The following CACNB2 variants were observed in gnomAD, a reference collection of about 807,000 sequenced individuals.
CACNB2 encodes calcium voltage-gated channel auxiliary subunit beta 2, also known as voltage-dependent L-type calcium channel subunit beta-2.
CACNB2 carries 42 observed loss-of-function variants against 73.3 expected under a neutral mutation model. The observed-to-expected ratio is 0.57, with a 90% CI of 0.45 to 0.74. The LOEUF is 0.74. Among genes scored for constraint, CACNB2 ranks in the 30% least tolerant of loss-of-function variants. The pLI, the probability that CACNB2 is intolerant of heterozygous loss-of-function variation, is 0.00. For missense variants in CACNB2, 940 were observed against 853.0 expected (o/e 1.10, Z -1.27); for synonymous variants, 348 against 310.3 (o/e 1.12, Z -1.28).
intron 3 of CACNB2, among the ~76,000 whole-genome samples, chr10:18,426,895 C>G (rs1029045883): frequency 2.7e-5 from 4 of 145,942 alleles, no homozygotes; most frequent in Non-Finnish European, 4.5e-5. Context: ...TTCTAGTTTG[C>G]TGTTTTTTTC....
At chr10:18,198,239 TTTGAG>T (rs2131299124) in intron 2 of CACNB2, among the ~76,000 whole-genome samples, 1 of 150,296 alleles carries the variant, frequency 6.7e-6, no homozygotes, top group South Asian at 2.1e-4. Flanking sequence ...TGAATTAATA[TTTGAG>T]TTAATATATG....
In CACNB2 at chr10:18,140,445, C is replaced by A. The variant is rs1210087094; in HGVS notation, c.-292C>A. Among the ~76,000 whole-genome samples the A allele has an allele frequency of 6.6e-6, 1 of 151,982 alleles. No homozygotes were observed. Among genetic ancestry groups the A allele is most frequent in the Non-Finnish European group, 1.5e-5 (1 of 67,952 alleles). On this transcript the variant is annotated 5_prime_UTR_variant, in exon 1 of 14. Transcript: ENST00000324631. Reference sequence around the variant, plus strand: ...CCCCGCCGCGCTGCGCCCGCTCTCCCGGCCCCGGCTGCCCCGCTGAGGGCT... The same window carrying A: ...CCCCGCCGCGCTGCGCCCGCTCTCCAGGCCCCGGCTGCCCCGCTGAGGGCT...
At chr10:18,528,280 T>C (rs1333421944) in intron 10 of CACNB2, among the ~76,000 whole-genome samples, 3 of 152,290 alleles carry the variant, frequency 2.0e-5, no homozygotes, top group African/African-American at 7.2e-5. Flanking sequence ...GTAAAAACAG[T>C]GTAGGGAGTT....
intron 2 of CACNB2, among the ~76,000 whole-genome samples, chr10:18,277,410 T>A (rs2038345241): frequency 6.6e-6 from 1 of 152,242 alleles, no homozygotes; most frequent in African/African-American, 2.4e-5. Context: ...GTATATTCTT[T>A]AAGTAAGGCC....
intron 2 of CACNB2, among the ~76,000 whole-genome samples, chr10:18,181,180 A>G (rs75538584): frequency 0.023 from 3,558 of 152,070 alleles, 54 homozygotes; most frequent in Middle Eastern, 0.1. Context: ...GCCCTCTAGA[A>G]CTGTGCATCT....
intron 2 of CACNB2, among the ~76,000 whole-genome samples, chr10:18,205,224 CTT>C (rs1483924493): frequency 6.6e-6 from 1 of 152,158 alleles, no homozygotes; most frequent in Non-Finnish European, 1.5e-5. Flanking sequence ...TGAGCATTAA[CTT>C]ACTACCTCTG....
At chr10:18,229,482 A>C (rs2036142946) in intron 2 of CACNB2, among the ~76,000 whole-genome samples, 1 of 152,240 alleles carries the variant, frequency 6.6e-6, no homozygotes, top group Non-Finnish European at 1.5e-5. Context: ...TGTACAAAGC[A>C]AATAGAAAAT....
At chr10:18,381,154 C>T (rs1419425499) in intron 2 of CACNB2, among the ~76,000 whole-genome samples, 2 of 151,172 alleles carry the variant, frequency 1.3e-5, no homozygotes, top group Non-Finnish European at 2.9e-5. Flanking sequence ...TGCTGGCTGC[C>T]ATTCCTTGGT....
At chr10:18,346,619 C>T (rs2041467753) in intron 2 of CACNB2, among the ~76,000 whole-genome samples, 1 of 150,276 alleles carries the variant, frequency 6.7e-6, no homozygotes, top group Admixed American at 6.6e-5. Context: ...TCGGGGGGCA[C>T]AGGGTCTCAC....
chr10:18,168,633 C>A (rs910923000), intron 2 of CACNB2, among the ~76,000 whole-genome samples: 1 of 152,050 alleles, frequency 6.6e-6, no homozygotes, highest in Non-Finnish European at 1.5e-5. Context: ...AGCTAAACAT[C>A]CATTTTGTCC....
At chr10:18,332,755 TAAG>T (rs1390226607) in intron 2 of CACNB2, among the ~76,000 whole-genome samples, 1 of 152,174 alleles carries the variant, frequency 6.6e-6, no homozygotes, top group Non-Finnish European at 1.5e-5. Context: ...GAAATTGTAT[TAAG>T]GAGAAATATT....
intron 2 of CACNB2, 71 bp downstream of exon 2, chr10:18,151,046 C>T: frequency 3.1e-6 from 3 of 961,524 alleles, no homozygotes; most frequent in Non-Finnish European, 5.1e-6. Context: ...GTGGGTTTCA[C>T]TCTTTTCCTT....
chr10:18,514,223 T>A lies in CACNB2; in HGVS notation c.671-13T>A. 1.2e-6 allele frequency: 2 copies of A among 1,613,996 alleles called. No individual in the cohort carries two copies. The highest frequency in any genetic ancestry group is 1.7e-6 in the Non-Finnish European group (2 of 1,179,854). On this transcript the variant is annotated splice_polypyrimidine_tract_variant and intron_variant, in intron 6 of 13. Coordinates refer to ENST00000324631, the MANE Select transcript of CACNB2 (RefSeq NM_201596.3). The stretch of plus-strand genomic sequence containing the variant: ...TCTCCTGTCCACCTGATTTTTGAAT[T>A]GTCTGTATATAGCTATAGACATAGA...
chr10:18,397,293 C>CGT (rs34774929), intron 2 of CACNB2, among the ~76,000 whole-genome samples: 92,234 of 151,570 alleles, frequency 0.61, 28,264 homozygotes, highest in Middle Eastern at 0.73. Flanking sequence ...ATGGCAAAAC[C>CGT]GTCTCTACTG....
At chr10:18,515,129 C>A in intron 7 of CACNB2, 1 of 1,025,888 alleles carries the variant, frequency 9.7e-7, no homozygotes, top group Non-Finnish European at 1.5e-6. Context: ...ACCCTTTGGA[C>A]AGTGCAGCCA....
chr10:18,191,125 T>C (rs919773413), intron 2 of CACNB2, among the ~76,000 whole-genome samples: 1 of 152,190 alleles, frequency 6.6e-6, no homozygotes, highest in Non-Finnish European at 1.5e-5. Flanking sequence ...ATTCAAACAA[T>C]ATTAGGAGGA....
At position 18,140,850 on chromosome 10, in the gene CACNB2, C is replaced by A. The variant is rs747008365; in HGVS notation, c.114C>A (p.Ala38=). The change falls in exon 1 of 14, where the codon GCC becomes GCA. Residue 38 remains alanine, a synonymous_variant. Coordinates refer to ENST00000324631, the MANE Select transcript of CACNB2 (RefSeq NM_201596.3). ...NVAPAGALGA[A]AQSYGKGARR... is the part of the protein sequence containing the mutation. ...CTCCCGCGGGGGCGCTCGGAGCCGC[C>A]GCACAGGTAGCGAGAGCGCGGCGCC... The A allele has an allele frequency of 5.6e-6, 9 of 1,600,642 alleles. No individual in the cohort carries two copies. In the African/African-American group the frequency reaches 8.0e-5, roughly 14 times the overall value.
At chr10:18,184,156 C>A (rs889304789) in intron 2 of CACNB2, among the ~76,000 whole-genome samples, 1 of 152,098 alleles carries the variant, frequency 6.6e-6, no homozygotes, top group African/African-American at 2.4e-5. Context: ...TACCCCAATG[C>A]CAGACCTATG....
At chr10:18,312,427 C>T (rs1269986854) in intron 2 of CACNB2, among the ~76,000 whole-genome samples, 1 of 152,044 alleles carries the variant, frequency 6.6e-6, no homozygotes, top group African/African-American at 2.4e-5. Flanking sequence ...CTGGACTTGC[C>T]CACAAAGGAA....
Sources: allele counts gnomAD v4.1 joint callset (sites outside exome capture counted in the v4.1 genomes callset), GRCh38; gene constraint gnomAD v4.1.1; transcripts MANE v1.5; gene names NCBI Gene and HGNC (gene_info 2026-07-23, HGNC 2026-07-21).